Variants in CPA6 observed in about 807,000 individuals in gnomAD.
CPA6 encodes carboxypeptidase B.
CPA6 carries 58 observed loss-of-function variants against 63.3 expected under a neutral mutation model. The observed-to-expected ratio is 0.92, with a 90% CI of 0.74 to 1.14. The LOEUF is 1.14. CPA6 is among the 50% of genes most tolerant of loss of function. CPA6 has a pLI of 0.00. For synonymous variants in CPA6, 185 were observed against 179.0 expected (o/e 1.03, Z -0.27); for missense variants, 565 against 526.6 (o/e 1.07, Z -0.71).
At chr8:67,487,642 A>C (rs1000278423) in intron 6 of CPA6, among the ~76,000 whole-genome samples, 1 of 152,236 alleles carries the variant, frequency 6.6e-6, no homozygotes, top group Non-Finnish European at 1.5e-5. Context: ...GTCTTCCACA[A>C]TCGTTGAACT....
chr8:67,577,507 G>A lies in CPA6; in HGVS notation c.192+46669C>T, dbSNP rs191356879. Among the ~76,000 whole-genome samples the A allele has an allele frequency of 7.2e-4, 110 of 152,138 alleles. 1 individual carries two copies. The highest frequency in any genetic ancestry group is 2.6e-3 in the African/African-American group (106 of 41,534). Reference sequence around the variant, plus strand: ...CTCCCATATACTGATTGAAGAATAGGCATCTTTCTTACGCTCTTCGAAGCG... The same window carrying A: ...CTCCCATATACTGATTGAAGAATAGACATCTTTCTTACGCTCTTCGAAGCG... On this transcript the variant is annotated intron_variant, in intron 2 of 10. Transcript: ENST00000297770.
At chr8:67,533,662 G>T (rs145686705) in intron 2 of CPA6, among the ~76,000 whole-genome samples, 1 of 152,304 alleles carries the variant, frequency 6.6e-6, no homozygotes, top group African/African-American at 2.4e-5. Flanking sequence ...TTCAGTAAAA[G>T]ATTTATAAAG....
At chr8:67,734,160 G>A (rs966030113) in intron 1 of CPA6, among the ~76,000 whole-genome samples, 4 of 151,758 alleles carry the variant, frequency 2.6e-5, no homozygotes, top group African/African-American at 9.7e-5. Context: ...TTACAAGTGT[G>A]AGCCACCAGC....
intron 6 of CPA6, among the ~76,000 whole-genome samples, chr8:67,491,757 T>C (rs1811610438): frequency 6.6e-6 from 1 of 152,232 alleles, no homozygotes; most frequent in Non-Finnish European, 1.5e-5. Context: ...ATGGCTCTTA[T>C]ATACACAAAT....
Position 67,465,591 on chromosome 8 carries a change from T to C in CPA6, c.838+18177A>G, listed in dbSNP as rs564074417. ...TTGTTCCAGTTCACAAGGGGAATGCTTCTAGTTTTTCCCGTTCAGTATGAT... is the reference window on the plus strand; with the variant it reads ...TTGTTCCAGTTCACAAGGGGAATGCCTCTAGTTTTTCCCGTTCAGTATGAT... On this transcript the variant is annotated intron_variant, in intron 8 of 10. Transcript: ENST00000297770. 1.5e-3 allele frequency among the ~76,000 whole-genome samples: 222 copies of C among 152,308 alleles called. 1 individual carries two copies. The highest frequency in any genetic ancestry group is 5.2e-3 in the African/African-American group (215 of 41,560).
intron 1 of CPA6, among the ~76,000 whole-genome samples, chr8:67,664,609 C>G (rs528602089): frequency 6.6e-6 from 1 of 151,624 alleles, no homozygotes; most frequent in East Asian, 1.9e-4. Flanking sequence ...CCTTTTTTTT[C>G]TTTTTCTTTT....
At position 67,422,377 on chromosome 8, in the gene CPA6, G is replaced by A. The variant is rs1443258176; in HGVS notation, c.*127C>T. ...TTGCCACAAAGTCAAATTGCGTGGG[G>A]TCTTTTTAAAGTCCATAGACATGTT... is the stretch of plus-strand genomic sequence containing the variant. On this transcript the variant is annotated 3_prime_UTR_variant, in exon 11 of 11. Coordinates refer to ENST00000297770, the MANE Select transcript of CPA6 (RefSeq NM_020361.5). 2.9e-6 allele frequency: 2 copies of A among 685,698 alleles called. No individual in the cohort carries two copies. Among genetic ancestry groups the A allele is most frequent in the African/African-American group, 1.8e-5 (1 of 56,668 alleles). The allele number at this position is 685,698 out of a possible 1,614,324, so 42.5% of individuals were successfully genotyped here.
At chr8:67,479,370 CT>C (rs1478853290) in intron 8 of CPA6, among the ~76,000 whole-genome samples, 4 of 152,208 alleles carry the variant, frequency 2.6e-5, no homozygotes, top group African/African-American at 9.6e-5. Context: ...CTCCCTACCC[CT>C]ATAAAGAAGG....
At chr8:67,497,624 A>G (rs1811747434) in intron 6 of CPA6, among the ~76,000 whole-genome samples, 1 of 152,094 alleles carries the variant, frequency 6.6e-6, no homozygotes, top group South Asian at 2.1e-4. Context: ...GTCACATAGT[A>G]ACTCTATGTT....
chr8:67,717,787 G>A (rs1293594314), intron 1 of CPA6, among the ~76,000 whole-genome samples: 3 of 152,180 alleles, frequency 2.0e-5, no homozygotes, highest in East Asian at 1.9e-4. Context: ...AATTGCTAGT[G>A]AGATTTGATA....
chr8:67,533,544 A>T (rs1444207067), intron 2 of CPA6, among the ~76,000 whole-genome samples: 1 of 152,206 alleles, frequency 6.6e-6, no homozygotes, highest in Admixed American at 6.5e-5. Context: ...ATCATCTCCC[A>T]GTTGCTATAG....
At chr8:67,628,732 T>G (rs1235025701) in intron 1 of CPA6, among the ~76,000 whole-genome samples, 1 of 152,244 alleles carries the variant, frequency 6.6e-6, no homozygotes, top group Non-Finnish European at 1.5e-5. Context: ...AAATTGTGAC[T>G]TTACATGAAA....
intron 1 of CPA6, among the ~76,000 whole-genome samples, chr8:67,688,049 A>G (rs1036876970): frequency 1.3e-5 from 2 of 152,174 alleles, no homozygotes; most frequent in Non-Finnish European, 2.9e-5. Context: ...ATACATGCCT[A>G]TAGTCCCAGC....
intron 8 of CPA6, among the ~76,000 whole-genome samples, chr8:67,480,900 G>A (rs1280842568): frequency 1.3e-5 from 2 of 152,100 alleles, no homozygotes; most frequent in East Asian, 3.9e-4. Context: ...TGGTTTTGAT[G>A]TACATTTCTC....
At chr8:67,487,484 G>C (rs1811505684) in intron 6 of CPA6, among the ~76,000 whole-genome samples, 1 of 152,142 alleles carries the variant, frequency 6.6e-6, no homozygotes, top group African/African-American at 2.4e-5. Flanking sequence ...CCAAGTCTTT[G>C]CTATTGTGAA....
At chr8:67,715,193 A>G (rs1048821815) in intron 1 of CPA6, among the ~76,000 whole-genome samples, 1 of 152,218 alleles carries the variant, frequency 6.6e-6, no homozygotes, top group African/African-American at 2.4e-5. Context: ...GAGTTAGCTC[A>G]GACCCTGCCA....
chr8:67,731,263 CAAAA>C (rs1191743987), intron 1 of CPA6, among the ~76,000 whole-genome samples: 1 of 152,142 alleles, frequency 6.6e-6, no homozygotes, highest in Non-Finnish European at 1.5e-5. Context: ...TTTTCACACA[CAAAA>C]AAAGAGGCCA....
intron 1 of CPA6, among the ~76,000 whole-genome samples, chr8:67,690,372 A>G (rs528660196): frequency 6.6e-6 from 1 of 152,354 alleles, no homozygotes; most frequent in East Asian, 1.9e-4. Context: ...TTACTATTAC[A>G]AATTAGAAGT....
chr8:67,553,527 G>A (rs944199818), intron 2 of CPA6, among the ~76,000 whole-genome samples: 4 of 152,158 alleles, frequency 2.6e-5, no homozygotes, highest in African/African-American at 9.7e-5. Flanking sequence ...TAAACTAGAA[G>A]TAGTTTTATG....
Sources: allele counts gnomAD v4.1 joint callset (sites outside exome capture counted in the v4.1 genomes callset), GRCh38; gene constraint gnomAD v4.1.1; transcripts MANE v1.5; gene names NCBI Gene and HGNC (gene_info 2026-07-23, HGNC 2026-07-21).